Variants in SLCO6A1 observed in about 807,000 individuals in gnomAD.
SLCO6A1 encodes the protein cancer/testis antigen 48.
A neutral mutation model predicts 72.7 loss-of-function variants in SLCO6A1; 65 were observed. That is an observed-to-expected ratio of 0.89 (90% CI 0.73 to 1.10). The LOEUF (loss-of-function observed/expected upper bound fraction) is 1.10. Ranked by LOEUF, SLCO6A1 falls within the 50% of genes least tolerant of loss-of-function variation. SLCO6A1 has a pLI of 0.00. For synonymous variants in SLCO6A1, 314 were observed against 298.2 expected (o/e 1.05, Z -0.55); for missense variants, 874 against 872.6 (o/e 1.00, Z -0.02).
intron 12 of SLCO6A1, among the ~76,000 whole-genome samples, chr5:102,383,403 A>G (rs1330613353): frequency 6.6e-6 from 1 of 151,714 alleles, no homozygotes; most frequent in Admixed American, 6.6e-5. Context: ...GATTTTTATC[A>G]TGAAATGATG....
rs374384717 is a variant in SLCO6A1, at chr5:102,388,829, T to A, written c.1880-4A>T. 1.6e-5 allele frequency: 25 copies of A among 1,589,382 alleles called. No individual in the cohort carries two copies. The African/African-American group carries it at 3.3e-4, about 21-fold the overall frequency. On this transcript the variant is annotated splice_polypyrimidine_tract_variant and splice_region_variant and intron_variant, in intron 11 of 13. Coordinates refer to ENST00000506729, the MANE Select transcript of SLCO6A1 (RefSeq NM_173488.5). ...ATTGATGGTCCAGGAATAGTCCCTA[T>A]GAAAAATGCAATGATTGTAAATTCT...
intron 10 of SLCO6A1, among the ~76,000 whole-genome samples, chr5:102,392,568 A>G (rs1003173437): frequency 6.6e-6 from 1 of 152,084 alleles, no homozygotes; most frequent in African/African-American, 2.4e-5. Context: ...TTTCTAACAT[A>G]CAAAACAAGA....
At chr5:102,475,560 T>A in intron 4 of SLCO6A1, 137 bp downstream of exon 4, 1 of 533,050 alleles carries the variant, frequency 1.9e-6, no homozygotes. Context: ...AATATGTGCA[T>A]ATGTCACATT....
At chr5:102,374,171 CCTGT>C (rs1301015830) in intron 12 of SLCO6A1, among the ~76,000 whole-genome samples, 1 of 151,974 alleles carries the variant, frequency 6.6e-6, no homozygotes, top group Non-Finnish European at 1.5e-5. Flanking sequence ...TGCCACCACA[CCTGT>C]CTAATTTTTA....
chr5:102,458,246 TATA>T, intron 6 of SLCO6A1, 133 bp downstream of exon 6: 1 of 602,058 alleles, frequency 1.7e-6, no homozygotes, highest in Non-Finnish European at 2.9e-6. Context: ...AAACTTAAAG[TATA>T]ATAATAAAAA....
intron 9 of SLCO6A1, among the ~76,000 whole-genome samples, chr5:102,405,947 A>G (rs1747646695): frequency 6.6e-6 from 1 of 152,094 alleles, no homozygotes; most frequent in Admixed American, 6.5e-5. Flanking sequence ...GGTGAGTTTT[A>G]TATTACACTA....
chr5:102,461,750 T>G (rs1275186317), intron 4 of SLCO6A1, among the ~76,000 whole-genome samples: 2 of 152,134 alleles, frequency 1.3e-5, no homozygotes. Context: ...GCCTCTTATA[T>G]GCAAAAATAA....
At chr5:102,433,936 G>A (rs936360519) in intron 7 of SLCO6A1, among the ~76,000 whole-genome samples, 2 of 151,896 alleles carry the variant, frequency 1.3e-5, no homozygotes, top group African/African-American at 4.8e-5. Context: ...TATTATAGTT[G>A]CACAAGCTTC....
intron 4 of SLCO6A1, among the ~76,000 whole-genome samples, chr5:102,460,376 C>T (rs969431047): frequency 6.6e-6 from 1 of 152,178 alleles, no homozygotes; most frequent in Admixed American, 6.6e-5. Context: ...CTTCATCTGC[C>T]TTTGTTCACC....
chr5:102,413,553 T>A (rs2058959284), intron 8 of SLCO6A1, among the ~76,000 whole-genome samples: 1 of 152,214 alleles, frequency 6.6e-6, no homozygotes, highest in African/African-American at 2.4e-5. Context: ...ATGTCTGGTT[T>A]CTTTGGCTTC....
chr5:102,469,783 T>C (rs1751507014), intron 4 of SLCO6A1, among the ~76,000 whole-genome samples: 1 of 152,172 alleles, frequency 6.6e-6, no homozygotes, highest in Non-Finnish European at 1.5e-5. Flanking sequence ...CAGTATGATA[T>C]TGGCTGTGGG....
At chr5:102,388,965 A>T in intron 11 of SLCO6A1, 140 bp from the exon 12 acceptor site, 1 of 763,952 alleles carries the variant, frequency 1.3e-6, no homozygotes, top group Non-Finnish European at 2.0e-6. Context: ...ATTTATTTAT[A>T]AATAGGATTG....
At chr5:102,444,471 ACTT>A (rs535670444) in intron 6 of SLCO6A1, among the ~76,000 whole-genome samples, 160 of 152,338 alleles carry the variant, frequency 1.1e-3, no homozygotes, top group African/African-American at 3.6e-3. Flanking sequence ...TTGTGATTTA[ACTT>A]CTTATTTGAT....
At chr5:102,385,826 C>CTT (rs57983218) in intron 12 of SLCO6A1, among the ~76,000 whole-genome samples, 9 of 121,202 alleles carry the variant, frequency 7.4e-5, no homozygotes, top group Non-Finnish European at 1.0e-4. Context: ...CCTGTTTTTC[C>CTT]TTTTTTTTTT....
At chr5:102,373,619 T>G (rs759204020) in intron 12 of SLCO6A1, 125 bp from the exon 13 acceptor site, 2 of 493,198 alleles carry the variant, frequency 4.1e-6, no homozygotes, top group Non-Finnish European at 6.6e-6. Flanking sequence ...TTCCCAATTT[T>G]AGAATGCAAT....
chr5:102,409,435 C>T (rs190834135), intron 9 of SLCO6A1, among the ~76,000 whole-genome samples: 98 of 152,046 alleles, frequency 6.4e-4, no homozygotes, highest in Non-Finnish European at 1.1e-3. Flanking sequence ...CATATAGGTA[C>T]TTGATCATTT....
At chr5:102,463,589 A>C (rs1034346251) in intron 4 of SLCO6A1, among the ~76,000 whole-genome samples, 1 of 152,198 alleles carries the variant, frequency 6.6e-6, no homozygotes, top group Non-Finnish European at 1.5e-5. Flanking sequence ...ACTCCACCAT[A>C]AAAAGGAACA....
chr5:102,456,707 C>T (rs1027825788), intron 6 of SLCO6A1, among the ~76,000 whole-genome samples: 31 of 152,208 alleles, frequency 2.0e-4, no homozygotes, highest in Admixed American at 5.9e-4. Flanking sequence ...AATGCCATTC[C>T]CATCAAGCTA....
chr5:102,438,751 T>G lies in SLCO6A1; in HGVS notation c.1142A>C (p.Lys381Thr). ...AGCTAGGCATATGAGCACTGGATTC[T>G]TCATCAGAATCTGAAATAAAAATAA... ...DLCAALWILM[K>T]NPVLICLALS... Residue 381 changes from lysine to threonine, a missense_variant, in exon 7 of 14, where the codon AAG (lysine) becomes ACG (threonine). Coordinates refer to ENST00000506729, the MANE Select transcript of SLCO6A1 (RefSeq NM_173488.5). The G allele has an allele frequency of 6.5e-7, 1 of 1,533,904 alleles. No individual in the cohort carries two copies.
Sources: gnomAD v4.1 joint callset for allele counts (sites outside exome capture counted in the v4.1 genomes callset) on GRCh38, gnomAD v4.1.1 for gene constraint, MANE v1.5 for transcripts, NCBI Gene and HGNC (gene_info 2026-07-23, HGNC 2026-07-21) for gene names.